Variants in DMXL2 observed in about 807,000 individuals in gnomAD.
DMXL2 encodes dmX-like protein 2.
A neutral mutation model predicts 331.1 loss-of-function variants in DMXL2; 103 were observed. The observed-to-expected ratio is 0.31, with a 90% CI of 0.27 to 0.37. DMXL2 has a LOEUF of 0.37. DMXL2 is among the 10% of genes least tolerant of loss of function. The probability of loss-of-function intolerance (pLI) is 1.00; values close to 1 mark genes in which losing one functional copy is unlikely to be tolerated. For synonymous variants in DMXL2, 1,281 were observed against 1,252.1 expected (o/e 1.02, Z -0.49); for missense variants, 3,171 against 3,642.9 (o/e 0.87, Z 3.33).
In DMXL2 at chr15:51,481,506, A is replaced by G. The variant is rs763462320; in HGVS notation, c.5600T>C (p.Leu1867Pro). ...SPEGTLATLG[L>P]KTEKNFVDKI... ...ATCAACAAAGTTCTTCTCAGTTTTG[A>G]GACCTAAGGTTGCCAAAGTTCCTTC... The change falls in exon 24 of 44, where the codon CTC becomes CCC. Residue 1867 changes from leucine to proline, a missense_variant. Physicochemically the swap from Leu to Pro is moderately conservative, Grantham distance 98. Coordinates refer to ENST00000560891, the MANE Select transcript of DMXL2 (RefSeq NM_001378457.1). The G allele has an allele frequency of 1.2e-6, 2 of 1,613,830 alleles. No homozygotes were observed. The highest frequency in any genetic ancestry group is 2.2e-5 in the East Asian group (1 of 44,878).
intron 6 of DMXL2, among the ~76,000 whole-genome samples, chr15:51,551,364 C>A (rs1375393077): frequency 6.6e-6 from 1 of 152,028 alleles, no homozygotes; most frequent in Non-Finnish European, 1.5e-5. Flanking sequence ...GAAAATAATA[C>A]TCAATAATCT....
chr15:51,601,456 G>A (rs953430485), intron 1 of DMXL2, among the ~76,000 whole-genome samples: 4 of 152,106 alleles, frequency 2.6e-5, no homozygotes, highest in East Asian at 1.9e-4. Context: ...TGTATGGGGT[G>A]AGATAGGGAC....
chr15:51,504,204 A>G (rs2043890515), intron 16 of DMXL2, among the ~76,000 whole-genome samples: 1 of 152,170 alleles, frequency 6.6e-6, no homozygotes, highest in African/African-American at 2.4e-5. Flanking sequence ...TTAGGAAATA[A>G]CAATATACTG....
rs151009340 is a variant in DMXL2 at position 51,507,222 on chromosome 15, G to T, written c.2676C>A (p.Phe892Leu). 1 of 1,610,542 alleles carries T rather than the reference G, an allele frequency of 6.2e-7. No individual in the cohort carries two copies. The part of the protein sequence containing the change: ...GYRPPPFSEK[F>L]FLVVIEKDSN... ...TGTCCTTCTCAATTACTACTAGAAA[G>T]AACTTTTCTGAAAATGGTGGTGGGC... The change falls in exon 16 of 44, where the codon TTC becomes TTA. Residue 892 changes from phenylalanine (F) to leucine (L), a missense_variant. This residue lies in a region of DMXL2 where 1,674 missense variants were observed against 1,780.2 expected (regional missense o/e 0.94). Coordinates refer to ENST00000560891, the MANE Select transcript of DMXL2 (RefSeq NM_001378457.1).
rs142036962 is a variant in DMXL2, at chr15:51,611,041, A to C, written c.87+11418T>G. Among the ~76,000 whole-genome samples the C allele has an allele frequency of 2.2e-3, 329 of 152,230 alleles. 4 individuals are homozygous for C. Among genetic ancestry groups the C allele is most frequent in the African/African-American group, 7.8e-3 (323 of 41,564 alleles). ...TTCATCTATTAGGGAGAAAGACAAA[A>C]ATGAGCTAAGCATTTAGCTCAATAA... On this transcript the variant is annotated intron_variant, in intron 1 of 43. Transcript: ENST00000560891.
rs370150187 is a variant in DMXL2 at position 51,503,625 on chromosome 15, G to A, written c.2765-592C>T. Among the ~76,000 whole-genome samples, 25 of 152,208 alleles carry A rather than the reference G, an allele frequency of 1.6e-4. 2 individuals are homozygous for A. The highest frequency in any genetic ancestry group is 1.4e-3 in the East Asian group (7 of 5,178). On this transcript the variant is annotated intron_variant, in intron 16 of 43. Coordinates refer to ENST00000560891, the MANE Select transcript of DMXL2 (RefSeq NM_001378457.1). The stretch of plus-strand genomic sequence containing the variant: ...TTTAATAGGTACAAACATGAAGGTA[G>A]AAGAAATAAGTTCTATTGTTTGATA...
intron 27 of DMXL2, among the ~76,000 whole-genome samples, chr15:51,475,570 A>C (rs946158538): frequency 6.6e-6 from 1 of 152,164 alleles, no homozygotes; most frequent in African/African-American, 2.4e-5. Flanking sequence ...GGGACACTTA[A>C]AAAAACAACT....
At chr15:51,607,653 A>AT (rs1395078799) in intron 1 of DMXL2, among the ~76,000 whole-genome samples, 4 of 152,204 alleles carry the variant, frequency 2.6e-5, no homozygotes, top group African/African-American at 4.8e-5. Context: ...TCCCAAGCAG[A>AT]TTTTTTAAAT....
In DMXL2 at chr15:51,453,553, T is replaced by C. The variant is rs2039350305; in HGVS notation, c.8693A>G (p.Asn2898Ser). 2 of 1,603,788 alleles carry C rather than the reference T, an allele frequency of 1.2e-6. No individual in the cohort carries two copies. Among genetic ancestry groups the C allele is most frequent in the East Asian group, 2.3e-5 (1 of 44,380 alleles). ...LVATSGHSND[N>S]RNVCLWDTLI... is the part of the protein sequence containing the mutation. ...CTTTGCTTTTCTGTCAACCTACCTA[T>C]TGTCATTGGAGTGTCCAGATGTGGC... Residue 2898 changes from asparagine (N) to serine (S), a missense_variant, in exon 41 of 44, where the codon AAT becomes AGT. Transcript: ENST00000560891.
intron 29 of DMXL2, among the ~76,000 whole-genome samples, chr15:51,469,960 C>G (rs2040944485): frequency 6.6e-6 from 1 of 152,184 alleles, no homozygotes; most frequent in African/African-American, 2.4e-5. Context: ...TCTCAAACTT[C>G]AGCACACATT....
intron 17 of DMXL2, among the ~76,000 whole-genome samples, chr15:51,501,842 C>A (rs1174014345): frequency 6.7e-6 from 1 of 149,612 alleles, no homozygotes; most frequent in East Asian, 2.0e-4. Flanking sequence ...ATGGCATGAA[C>A]CTGGGAGGCG....
chr15:51,595,175 T>C (rs1010258335), intron 1 of DMXL2, among the ~76,000 whole-genome samples: 9 of 152,162 alleles, frequency 5.9e-5, no homozygotes, highest in Admixed American at 3.9e-4. Flanking sequence ...GAAAACCCCA[T>C]CATCTCAGCC....
intron 6 of DMXL2, among the ~76,000 whole-genome samples, chr15:51,549,555 T>C (rs2049081334): frequency 6.6e-6 from 1 of 152,172 alleles, no homozygotes; most frequent in South Asian, 2.1e-4. Context: ...ATAGTGGTTG[T>C]ACTAGTTTAC....
At chr15:51,483,571 C>T (rs2042172366) in intron 23 of DMXL2, among the ~76,000 whole-genome samples, 1 of 152,202 alleles carries the variant, frequency 6.6e-6, no homozygotes, top group Admixed American at 6.5e-5. Flanking sequence ...GAGAGGTCTC[C>T]AAGCCTACGA....
chr15:51,563,512 C>A, intron 5 of DMXL2, 65 bp from the exon 6 acceptor site: 1 of 1,138,112 alleles, frequency 8.8e-7, no homozygotes, highest in South Asian at 1.6e-5. Flanking sequence ...TAAAAATGGT[C>A]AAGATGAGAT....
chr15:51,582,342 T>C (rs1430555108), intron 1 of DMXL2, among the ~76,000 whole-genome samples: 6 of 152,234 alleles, frequency 3.9e-5, no homozygotes, highest in Non-Finnish European at 8.8e-5. Context: ...GACATTTTTC[T>C]ATCGTTTCGT....
At chr15:51,613,965 T>C (rs2124876) in intron 1 of DMXL2, among the ~76,000 whole-genome samples, 72,837 of 152,014 alleles carry the variant, frequency 0.48, 17,824 homozygotes, top group Non-Finnish European at 0.52. Flanking sequence ...ATTGTTAACA[T>C]GTGTTGTGGA....
chr15:51,586,805 A>T (rs2051862761), intron 1 of DMXL2, among the ~76,000 whole-genome samples: 1 of 152,154 alleles, frequency 6.6e-6, no homozygotes, highest in African/African-American at 2.4e-5. Context: ...ATTTGCTCTA[A>T]TTAACCATTA....
rs1379705006 is a variant in DMXL2, at chr15:51,480,827, A to G, written c.6279T>C (p.Val2093=). 1.2e-6 allele frequency: 2 copies of G among 1,612,430 alleles called. No homozygotes were observed. The highest frequency in any genetic ancestry group is 1.7e-6 in the Non-Finnish European group (2 of 1,179,380). Residue 2093 remains valine (V), a synonymous_variant, in exon 24 of 44, where the codon GTT becomes GTC. Transcript: ENST00000560891. ...ALHEICNHES[V]IKEYSSKTYS... ...ATGTCTTACTGGAATACTCTTTAAT[A>G]ACTGATTCATGATTACATATCTCAT... is the stretch of plus-strand genomic sequence containing the variant.
Sources: allele counts gnomAD v4.1 joint callset (sites outside exome capture counted in the v4.1 genomes callset), GRCh38; gene constraint gnomAD v4.1.1; regional missense constraint gnomAD v4.1.1; transcripts MANE v1.5; gene names NCBI Gene and HGNC (gene_info 2026-07-23, HGNC 2026-07-21).